Variants in LMBRD1 observed in about 807,000 individuals in gnomAD.
LMBRD1 encodes LMBR1 domain containing 1, also known as lysosomal cobalamin transport escort protein LMBD1.
LMBRD1 carries 64 observed loss-of-function variants against 74.8 expected under a neutral mutation model. The observed-to-expected ratio is 0.86, with a 90% CI of 0.70 to 1.05. The LOEUF (loss-of-function observed/expected upper bound fraction) is 1.05, where lower values mean the gene tolerates loss of function less well. Ranked by LOEUF, LMBRD1 falls within the 50% of genes least tolerant of loss-of-function variation. LMBRD1 has a pLI of 0.00. For missense variants in LMBRD1, 652 were observed against 645.9 expected (o/e 1.01, Z -0.10); for synonymous variants, 204 against 216.3 (o/e 0.94, Z 0.50).
chr6:69,697,278 T>C (rs1422292615), intron 14 of LMBRD1, among the ~76,000 whole-genome samples: 1 of 151,966 alleles, frequency 6.6e-6, no homozygotes, highest in African/African-American at 2.4e-5. Context: ...TTTATGTTTT[T>C]AAGGAAAAAA....
intron 2 of LMBRD1, among the ~76,000 whole-genome samples, chr6:69,781,373 C>T (rs1348737722): frequency 2.0e-5 from 3 of 152,086 alleles, no homozygotes; most frequent in Non-Finnish European, 4.4e-5. Flanking sequence ...CTTATCACTG[C>T]TATTAAGTAT....
intron 2 of LMBRD1, among the ~76,000 whole-genome samples, chr6:69,788,591 C>G (rs924263527): frequency 1.5e-5 from 2 of 134,452 alleles, no homozygotes; most frequent in Non-Finnish European, 3.4e-5. Context: ...TTACAATCAA[C>G]CATTTAATTA....
chr6:69,790,935 G>C (rs1433983872), intron 1 of LMBRD1, among the ~76,000 whole-genome samples: 1 of 152,196 alleles, frequency 6.6e-6, no homozygotes, highest in African/African-American at 2.4e-5. Flanking sequence ...TTGAGCTAAA[G>C]ATTAACTGCC....
intron 6 of LMBRD1, 55 bp downstream of exon 6, chr6:69,741,734 T>C (rs1405529733): frequency 7.4e-6 from 8 of 1,082,458 alleles, no homozygotes; most frequent in Non-Finnish European, 1.1e-5. Context: ...TTCTCAAAAG[T>C]CCAAAGTATC....
chr6:69,730,352 C>T (rs1039575713), intron 7 of LMBRD1, among the ~76,000 whole-genome samples: 2 of 152,002 alleles, frequency 1.3e-5, no homozygotes, highest in Non-Finnish European at 2.9e-5. Context: ...TAATAAATGT[C>T]TTCCACATAT....
intron 14 of LMBRD1, among the ~76,000 whole-genome samples, chr6:69,681,016 G>C (rs902756964): frequency 6.6e-6 from 1 of 151,944 alleles, no homozygotes; most frequent in Non-Finnish European, 1.5e-5. Flanking sequence ...ATTTCATTTA[G>C]GAATTGTGTT....
At chr6:69,715,605 T>C (rs1306606960) in intron 8 of LMBRD1, among the ~76,000 whole-genome samples, 1 of 152,120 alleles carries the variant, frequency 6.6e-6, no homozygotes, top group African/African-American at 2.4e-5. Context: ...ACACTGTCTG[T>C]CTCCAATTAC....
chr6:69,774,036 T>G (rs971395078), intron 3 of LMBRD1, among the ~76,000 whole-genome samples: 2 of 152,200 alleles, frequency 1.3e-5, no homozygotes, highest in African/African-American at 4.8e-5. Flanking sequence ...GTGGATGATA[T>G]GGTTTGGCTC....
At position 69,792,794 on chromosome 6, in the gene LMBRD1, G is replaced by A. The variant is rs534976292; in HGVS notation, c.70-2322C>T. ...CAATAAATTTTTTATTGGATTTCAAGAATGAAAGAAAACCTGCATTTTGTA... is the reference window on the plus strand; with the variant it reads ...CAATAAATTTTTTATTGGATTTCAAAAATGAAAGAAAACCTGCATTTTGTA... On this transcript the variant is annotated intron_variant, in intron 1 of 15. Transcript: ENST00000649934. Among the ~76,000 whole-genome samples the A allele has an allele frequency of 8.0e-4, 122 of 152,086 alleles. 1 individual carries two copies. Among genetic ancestry groups the A allele is most frequent in the Non-Finnish European group, 1.3e-3 (88 of 68,012 alleles).
intron 3 of LMBRD1, among the ~76,000 whole-genome samples, chr6:69,778,779 A>C (rs1765760900): frequency 6.6e-6 from 1 of 152,200 alleles, no homozygotes; most frequent in Non-Finnish European, 1.5e-5. Flanking sequence ...ATCAGAAATA[A>C]TAAATTATAT....
chr6:69,730,520 C>T (rs1766832402), intron 7 of LMBRD1, among the ~76,000 whole-genome samples: 1 of 152,036 alleles, frequency 6.6e-6, no homozygotes, highest in South Asian at 2.1e-4. Flanking sequence ...AAATTGAAGG[C>T]ATCATATAAT....
rs891934943 is a variant in LMBRD1 at position 69,682,606 on chromosome 6, T to C, written c.1418-6065A>G. On this transcript the variant is annotated intron_variant, in intron 14 of 15. Transcript: ENST00000649934. ...GTAGAAATGGTATAATCACAATCTG[T>C]ATAAGTGAACTCTAAATTACTGAGA... Among the ~76,000 whole-genome samples the C allele has an allele frequency of 2.6e-5, 4 of 152,128 alleles. No homozygotes were observed. The East Asian group carries it at 7.7e-4, about 29-fold the overall frequency.
At chr6:69,678,740 C>G (rs182202258) in intron 14 of LMBRD1, among the ~76,000 whole-genome samples, 1 of 152,036 alleles carries the variant, frequency 6.6e-6, no homozygotes, top group Non-Finnish European at 1.5e-5. Flanking sequence ...CTCTTCTCAG[C>G]TTCAATAAGT....
chr6:69,769,552 T>A (rs1765535975), intron 3 of LMBRD1, among the ~76,000 whole-genome samples: 1 of 152,130 alleles, frequency 6.6e-6, no homozygotes, highest in South Asian at 2.1e-4. Flanking sequence ...TCTTTGCATA[T>A]TTTATAATTT....
At chr6:69,796,599 T>C (rs1766237397) in intron 1 of LMBRD1, among the ~76,000 whole-genome samples, 1 of 151,914 alleles carries the variant, frequency 6.6e-6, no homozygotes, top group African/African-American at 2.4e-5. Flanking sequence ...CTAGACGTCA[T>C]CGGTGAAATG....
rs536469891 is a variant in LMBRD1, at chr6:69,675,774, T to G, written c.*384A>C. ...TTGGAGGCAATCAGAGAGAGACACT[T>G]TAAAATTCCACATCACTCTGGAGAA... On this transcript the variant is annotated 3_prime_UTR_variant, in exon 16 of 16. Coordinates refer to ENST00000649934, the MANE Select transcript of LMBRD1 (RefSeq NM_018368.4). 1.4e-4 allele frequency: 30 copies of G among 210,550 alleles called. No individual in the cohort carries two copies. Among genetic ancestry groups the G allele is most frequent in the South Asian group, 9.0e-4 (12 of 13,272 alleles). 13.0% of individuals were successfully genotyped at this position (210,550 alleles called of 1,614,324 possible).
intron 3 of LMBRD1, among the ~76,000 whole-genome samples, chr6:69,774,948 TGGAAGGAA>T (rs1157907347): frequency 0.058 from 2,220 of 38,592 alleles, 116 homozygotes; most frequent in Non-Finnish European, 0.075. Flanking sequence ...TACAGTGAGA[TGGAAGGAA>T]GGAAGGAAGG....
intron 1 of LMBRD1, 58 bp from the exon 2 acceptor site, chr6:69,790,530 G>C (rs1345158268): frequency 1.3e-6 from 2 of 1,548,742 alleles, no homozygotes; most frequent in Non-Finnish European, 1.8e-6. Context: ...TCTGATTTTT[G>C]TATGTGTTTG....
At chr6:69,690,004 T>C (rs188011779) in intron 14 of LMBRD1, among the ~76,000 whole-genome samples, 3 of 151,920 alleles carry the variant, frequency 2.0e-5, no homozygotes, top group East Asian at 1.9e-4. Context: ...GCCCCTTATA[T>C]AGGAGAATAG....
Sources: gnomAD v4.1 joint callset for allele counts (sites outside exome capture counted in the v4.1 genomes callset) on GRCh38, gnomAD v4.1.1 for gene constraint, MANE v1.5 for transcripts, NCBI Gene and HGNC (gene_info 2026-07-23, HGNC 2026-07-21) for gene names.